RASAL2: variants seen among roughly 807,000 people sequenced by gnomAD.
The protein encoded by RASAL2 is ras GTPase-activating protein nGAP.
In RASAL2, 58 loss-of-function variants were observed where a neutral mutation model predicts 128.9. The ratio of observed to expected loss-of-function variants is 0.45; its 90% confidence interval spans 0.36 to 0.56. The LOEUF is 0.56. RASAL2 is among the 20% of genes least tolerant of loss of function. The pLI is 0.00. For missense variants in RASAL2, 1,360 were observed against 1,601.6 expected (o/e 0.85, Z 2.57); for synonymous variants, 561 against 580.8 (o/e 0.97, Z 0.49).
chr1:178,268,345 G>A (rs1305021450), intron 1 of RASAL2, among the ~76,000 whole-genome samples: 2 of 152,060 alleles, frequency 1.3e-5, no homozygotes, highest in East Asian at 3.9e-4. Flanking sequence ...GTGAGCACCT[G>A]TAGTCCCAGC....
intron 3 of RASAL2, among the ~76,000 whole-genome samples, chr1:178,357,033 CAT>C (rs1670850258): frequency 6.6e-6 from 1 of 152,074 alleles, no homozygotes; most frequent in African/African-American, 2.4e-5. Context: ...CATCTTTGTA[CAT>C]ATATCTGTGT....
chr1:178,227,014 A>G (rs2102013872), intron 1 of RASAL2, among the ~76,000 whole-genome samples: 1 of 152,234 alleles, frequency 6.6e-6, no homozygotes, highest in Non-Finnish European at 1.5e-5. Flanking sequence ...AGAATACTCA[A>G]AATACATACA....
intron 4 of RASAL2, among the ~76,000 whole-genome samples, chr1:178,407,015 T>C (rs1216748106): frequency 6.6e-6 from 1 of 152,134 alleles, no homozygotes; most frequent in Non-Finnish European, 1.5e-5. Flanking sequence ...TGTAGATCAC[T>C]GTGCCCCAAT....
chr1:178,359,050 G>C (rs1670971505), intron 3 of RASAL2, among the ~76,000 whole-genome samples: 1 of 152,108 alleles, frequency 6.6e-6, no homozygotes, highest in South Asian at 2.1e-4. Context: ...AAGTTCAAAA[G>C]AATATATAAA....
chr1:178,374,845 G>A (rs952119980), intron 3 of RASAL2, among the ~76,000 whole-genome samples: 1 of 151,994 alleles, frequency 6.6e-6, no homozygotes, highest in African/African-American at 2.4e-5. Flanking sequence ...TTAAAACTCT[G>A]CCCTTGTTTC....
intron 1 of RASAL2, among the ~76,000 whole-genome samples, chr1:178,280,633 C>A (rs16828619): frequency 1.4e-4 from 21 of 152,022 alleles, no homozygotes; most frequent in Admixed American, 4.6e-4. Flanking sequence ...ACAAAGAGAT[C>A]CATTGACTTA....
At chr1:178,306,034 G>A (rs1003502850) in intron 3 of RASAL2, among the ~76,000 whole-genome samples, 16 of 152,204 alleles carry the variant, frequency 1.1e-4, no homozygotes, top group African/African-American at 2.9e-4. Flanking sequence ...AGAGTTCTCC[G>A]ACTGTTGCAT....
intron 3 of RASAL2, among the ~76,000 whole-genome samples, chr1:178,309,741 C>A (rs562135522): frequency 2.6e-5 from 4 of 152,086 alleles, no homozygotes; most frequent in Admixed American, 2.6e-4. Context: ...CAGTAACACA[C>A]AAAAAAGTGA....
At chr1:178,449,965 G>A (rs1198389310) in intron 9 of RASAL2, among the ~76,000 whole-genome samples, 1 of 151,994 alleles carries the variant, frequency 6.6e-6, no homozygotes, top group East Asian at 1.9e-4. Flanking sequence ...TGTAGAGTTT[G>A]GCCAGTTTTT....
chr1:178,336,873 C>G (rs566443674), intron 3 of RASAL2, among the ~76,000 whole-genome samples: 33 of 151,932 alleles, frequency 2.2e-4, no homozygotes, highest in African/African-American at 7.0e-4. Context: ...TGGTTTTGTT[C>G]TTTTAGTATA....
At chr1:178,282,261 G>A (rs903647044) in intron 1 of RASAL2, among the ~76,000 whole-genome samples, 1 of 152,142 alleles carries the variant, frequency 6.6e-6, no homozygotes, top group African/African-American at 2.4e-5. Flanking sequence ...CCCCAAACAT[G>A]CAGCGCAGTT....
intron 3 of RASAL2, chr1:178,341,696 C>T: frequency 6.4e-7 from 1 of 1,567,662 alleles, no homozygotes; most frequent in Non-Finnish European, 8.7e-7. Context: ...AATGCAGTGA[C>T]TATTTACCTT....
intron 1 of RASAL2, among the ~76,000 whole-genome samples, chr1:178,168,416 G>A (rs749288107): frequency 1.4e-4 from 21 of 150,792 alleles, no homozygotes; most frequent in East Asian, 1.9e-4. Flanking sequence ...TTTTTTTTCC[G>A]TTTTATACCT....
intron 3 of RASAL2, among the ~76,000 whole-genome samples, chr1:178,314,969 G>A (rs543014487): frequency 1.4e-3 from 186 of 134,496 alleles, no homozygotes; most frequent in African/African-American, 5.1e-3. Flanking sequence ...TCCCCAGAGT[G>A]TGATATTCCC....
At chr1:178,190,579 A>G (rs1377948928) in intron 1 of RASAL2, among the ~76,000 whole-genome samples, 3 of 152,212 alleles carry the variant, frequency 2.0e-5, no homozygotes, top group Admixed American at 6.5e-5. Flanking sequence ...GAAGGAATCT[A>G]TCTAGCTAGA....
chr1:178,361,495 A>G (rs1361712947), intron 3 of RASAL2, among the ~76,000 whole-genome samples: 1 of 152,050 alleles, frequency 6.6e-6, no homozygotes, highest in Admixed American at 6.6e-5. Context: ...GCTTTTTTTA[A>G]TTGAACAGTT....
intron 3 of RASAL2, among the ~76,000 whole-genome samples, chr1:178,351,595 G>C (rs1470878863): frequency 6.6e-6 from 1 of 152,168 alleles, no homozygotes; most frequent in African/African-American, 2.4e-5. Flanking sequence ...GCCAGGTGTG[G>C]TGGCGCGGCT....
At chr1:178,283,891 T>C (rs561483301) in intron 2 of RASAL2, among the ~76,000 whole-genome samples, 200 bp downstream of exon 2, 2 of 152,252 alleles carry the variant, frequency 1.3e-5, no homozygotes, top group South Asian at 2.1e-4. Flanking sequence ...TAGGGCTGGA[T>C]TTTCACTAAG....
intron 5 of RASAL2, among the ~76,000 whole-genome samples, chr1:178,433,369 C>T (rs901166572): frequency 2.0e-5 from 3 of 152,014 alleles, no homozygotes; most frequent in Non-Finnish European, 2.9e-5. Context: ...CATCCTTTTT[C>T]GTAAGTCTTG....
Sources: gnomAD v4.1 joint callset for allele counts (sites outside exome capture counted in the v4.1 genomes callset) on GRCh38, gnomAD v4.1.1 for gene constraint, MANE v1.5 for transcripts, NCBI Gene and HGNC (gene_info 2026-07-23, HGNC 2026-07-21) for gene names.